Variants in QPCT observed in about 807,000 individuals in gnomAD.
QPCT encodes the protein glutaminyl-peptide cyclotransferase, also known as EC.
Under a neutral mutation model 43.4 loss-of-function variants are expected in QPCT, and 44 were observed. That is an observed-to-expected ratio of 1.01 (90% confidence interval 0.80 to 1.30). The LOEUF is 1.30. QPCT is among the 50% of genes most tolerant of loss of function. QPCT has a pLI of 0.00. For missense variants in QPCT, 526 were observed against 436.5 expected, an observed-to-expected ratio of 1.21 and a Z score of -1.83; for synonymous variants, 168 against 168.4, an observed-to-expected ratio of 1.00 and a Z score of 0.02.
intron 4 of QPCT, among the ~76,000 whole-genome samples, chr2:37,367,610 A>G (rs1672987561): frequency 6.6e-6 from 1 of 152,166 alleles, no homozygotes; most frequent in African/African-American, 2.4e-5. Context: ...TGTGGCTCAT[A>G]CCTGTAATCC....
chr2:37,350,332 C>A, intron 1 of QPCT, among the ~76,000 whole-genome samples: 1 of 152,206 alleles, frequency 6.6e-6, no homozygotes, highest in Admixed American at 6.5e-5. Context: ...CTCTTGCCTC[C>A]ATATTCTTCT....
chr2:37,364,383 T>C (rs529742089), intron 3 of QPCT, among the ~76,000 whole-genome samples: 10 of 152,232 alleles, frequency 6.6e-5, no homozygotes, highest in South Asian at 6.2e-4. Flanking sequence ...GCAGGCCTAG[T>C]GGTCGGTCCA....
intron 3 of QPCT, 132 bp from the exon 4 acceptor site, chr2:37,367,100 C>G: frequency 3.9e-6 from 4 of 1,026,360 alleles, no homozygotes; most frequent in South Asian, 3.3e-5. Context: ...TAAATTTTGC[C>G]ATAGTTTCAC....
intron 5 of QPCT, among the ~76,000 whole-genome samples, chr2:37,371,540 A>G (rs916111353): frequency 6.6e-6 from 1 of 152,000 alleles, no homozygotes; most frequent in Non-Finnish European, 1.5e-5. Flanking sequence ...GGCTTTCTCA[A>G]TGTTTCTAGA....
chr2:37,356,423 C>T lies in QPCT; in HGVS notation c.268-3157C>T, dbSNP rs551508700. On this transcript the variant is annotated intron_variant, in intron 2 of 6. Coordinates refer to ENST00000338415, the MANE Select transcript of QPCT (RefSeq NM_012413.4). Reference sequence around the variant, plus strand: ...GTGATCTATATTCTAAATTGCCTTTCGGCACTCCTGGAGGGTCCAGCCCTT... The same window carrying T: ...GTGATCTATATTCTAAATTGCCTTTTGGCACTCCTGGAGGGTCCAGCCCTT... 1.6e-3 allele frequency among the ~76,000 whole-genome samples: 247 copies of T among 152,200 alleles called. 1 individual carries two copies. In the South Asian group the frequency reaches 0.018, roughly 11 times the overall value.
At position 37,344,808 on chromosome 2, in the gene QPCT, C is replaced by T; in HGVS notation, c.77C>T (p.Ser26Phe). 6.2e-7 allele frequency: 1 copy of T among 1,608,468 alleles called. No individual in the cohort carries two copies. Among genetic ancestry groups the T allele is most frequent in the Non-Finnish European group, 8.5e-7 (1 of 1,177,968 alleles). ...CTGGTGGCCGCCCTGCCCTGGGCAT[C>T]CAGGGGGGTCAGTCCGAGTGCCTCA... ...LLLVAALPWA[S>F]RGVSPSASAW... The change falls in exon 1 of 7, where the codon TCC becomes TTC. Residue 26 changes from serine (S) to phenylalanine (F), a missense_variant. Coordinates refer to ENST00000338415, the MANE Select transcript of QPCT (RefSeq NM_012413.4).
chr2:37,352,217 T>C (rs1051383498), intron 1 of QPCT, among the ~76,000 whole-genome samples: 5 of 152,222 alleles, frequency 3.3e-5, no homozygotes, highest in African/African-American at 1.2e-4. Flanking sequence ...ATTAAAATCC[T>C]ATTAAAATTC....
At chr2:37,348,063 C>CTTGTGT in intron 1 of QPCT, among the ~76,000 whole-genome samples, 1 of 148,488 alleles carries the variant, frequency 6.7e-6, no homozygotes, top group African/African-American at 2.5e-5. Context: ...CGCGCGCACG[C>CTTGTGT]GTGTGTGTGT....
rs6708310 is a variant in QPCT at position 37,373,284 on chromosome 2, A to G, written c.*457A>G. 20,329 of 152,260 alleles carry G rather than the reference A, an allele frequency of 0.13. 1,918 individuals are homozygous for G. Among genetic ancestry groups the G allele is most frequent in the East Asian group, 0.41 (2,101 of 5,166 alleles). 9.4% of individuals were successfully genotyped at this position (152,260 alleles called of 1,614,324 possible). ...AGATTTCTTTGAGAAATCTTTGTAG[A>G]GTTAATTTTATGGAAATTAAAATCA... is the stretch of plus-strand genomic sequence containing the variant. On this transcript the variant is annotated 3_prime_UTR_variant, in exon 7 of 7. Coordinates refer to ENST00000338415, the MANE Select transcript of QPCT (RefSeq NM_012413.4).
At chr2:37,347,931 G>C (rs990599975) in intron 1 of QPCT, among the ~76,000 whole-genome samples, 1 of 152,128 alleles carries the variant, frequency 6.6e-6, no homozygotes, top group African/African-American at 2.4e-5. Flanking sequence ...GCTCATTTTA[G>C]AAAACTTGGA....
chr2:37,346,955 T>A (rs1004941823), intron 1 of QPCT, among the ~76,000 whole-genome samples: 3 of 151,402 alleles, frequency 2.0e-5, no homozygotes, highest in Non-Finnish European at 4.4e-5. Flanking sequence ...GATGTTTCTC[T>A]TTCAGTGGCT....
intron 3 of QPCT, among the ~76,000 whole-genome samples, chr2:37,361,150 A>AT (rs1194566304): frequency 4.0e-5 from 6 of 151,828 alleles, no homozygotes; most frequent in African/African-American, 1.5e-4. Context: ...GAGGTGGGGG[A>AT]TTTTTTTTAA....
At position 37,344,823 on chromosome 2, in the gene QPCT, C is replaced by T. The variant is rs1358120309; in HGVS notation, c.92C>T (p.Pro31Leu). The T allele has an allele frequency of 3.1e-6, 5 of 1,606,002 alleles. No individual in the cohort carries two copies. The highest frequency in any genetic ancestry group is 2.7e-5 in the African/African-American group (2 of 74,442). The change falls in exon 1 of 7, where the codon CCG becomes CTG. Residue 31 changes from proline to leucine, a missense_variant. Pro to Leu is a moderately conservative substitution (Grantham distance 98, BLOSUM62 -3). Transcript: ENST00000338415. ...ALPWASRGVS[P>L]SASAWPEEKN... ...CCCTGGGCATCCAGGGGGGTCAGTC[C>T]GAGTGCCTCAGCCTGGCCAGAGGAG...
chr2:37,346,542 G>A (rs1672491920), intron 1 of QPCT, among the ~76,000 whole-genome samples: 1 of 152,210 alleles, frequency 6.6e-6, no homozygotes, highest in African/African-American at 2.4e-5. Context: ...GTATTTATGG[G>A]TGGGAAAAGG....
chr2:37,364,102 A>T (rs1464286554), intron 3 of QPCT, among the ~76,000 whole-genome samples: 1 of 152,228 alleles, frequency 6.6e-6, no homozygotes, highest in Non-Finnish European at 1.5e-5. Flanking sequence ...TTTTAAATAA[A>T]AATAATTTGC....
Sources: allele counts gnomAD v4.1 joint callset (sites outside exome capture counted in the v4.1 genomes callset), GRCh38; gene constraint gnomAD v4.1.1; transcripts MANE v1.5; gene names NCBI Gene and HGNC (gene_info 2026-07-23, HGNC 2026-07-21).